The following MINDY3 variants were observed in gnomAD, a reference collection of about 807,000 sequenced individuals.
MINDY3 encodes MINDY lysine 48 deubiquitinase 3, also known as ubiquitin carboxyl-terminal hydrolase MINDY-3.
MINDY3 carries 38 observed loss-of-function variants against 69.2 expected under a neutral mutation model. The observed-to-expected ratio is 0.55, with a 90% CI of 0.42 to 0.72. The LOEUF is 0.72. MINDY3 is among the 30% of genes least tolerant of loss of function. The pLI is 0.00. For synonymous variants in MINDY3, 192 were observed against 180.1 expected (o/e 1.07, Z -0.53); for missense variants, 522 against 519.0 (o/e 1.01, Z -0.06).
rs1836303197 is a variant in MINDY3, at chr10:15,778,981, AC to A, written c.*10del. 6.2e-7 allele frequency: 1 copy of A among 1,610,086 alleles called. No individual in the cohort carries two copies. Among genetic ancestry groups the A allele is most frequent in the Non-Finnish European group, 8.5e-7 (1 of 1,177,746 alleles). The stretch of plus-strand genomic sequence containing the variant: ...TGTTATTAAGATCTTCCTTATAAAT[AC>A]TTAGACAAATTAATTTAGTGAAGGA... On this transcript the variant is annotated 3_prime_UTR_variant, in exon 15 of 15. Transcript: ENST00000277632.
Position 15,796,021 on chromosome 10 carries a change from T to C in MINDY3, c.955+79A>G, listed in dbSNP as rs1588528384. The C allele has an allele frequency of 3.8e-6, 4 of 1,043,762 alleles. No homozygotes were observed. The East Asian group carries it at 9.6e-5, about 25-fold the overall frequency. The allele number at this position is 1,043,762 out of a possible 1,614,324, so 64.7% of individuals were successfully genotyped here. A position where few individuals can be genotyped will look rare whatever the true frequency, so the allele number is the denominator to read the frequency against. ...TCATTAAATAATCCAATATATCTTT[T>C]GAATAAAATCAGGTCGCTATCAATG... On this transcript the variant is annotated intron_variant, in intron 11 of 14. Transcript: ENST00000277632.
chr10:15,791,679 C>T, intron 11 of MINDY3, among the ~76,000 whole-genome samples: 1 of 151,986 alleles, frequency 6.6e-6, no homozygotes. Context: ...AGTTGAATAT[C>T]CAGATTGCTA....
intron 3 of MINDY3, 140 bp downstream of exon 3, chr10:15,843,072 T>C: frequency 2.9e-6 from 2 of 688,274 alleles, no homozygotes; most frequent in Non-Finnish European, 2.5e-6. Context: ...GAGTCACTGT[T>C]CATGAAACTT....
rs769643453 is a variant in MINDY3 at position 15,833,621 on chromosome 10, T to G, written c.730+9A>C. ...TCAAAGAGAGCAACATAACAAGGAA[T>G]ATACTTACTCATTCCTGAGCACTCT... On this transcript the variant is annotated intron_variant, in intron 8 of 14. Coordinates refer to ENST00000277632, the MANE Select transcript of MINDY3 (RefSeq NM_024948.4). 6.5e-7 allele frequency: 1 copy of G among 1,531,904 alleles called. No homozygotes were observed. Among genetic ancestry groups the G allele is most frequent in the Non-Finnish European group, 9.0e-7 (1 of 1,106,538 alleles). The allele number at this position is 1,531,904 out of a possible 1,614,324, so 94.9% of individuals were successfully genotyped here.
At chr10:15,800,308 G>C (rs111714696) in intron 10 of MINDY3, among the ~76,000 whole-genome samples, 9 of 152,116 alleles carry the variant, frequency 5.9e-5, no homozygotes, top group African/African-American at 1.9e-4. Context: ...ACTGTACCTG[G>C]CACCACTCAC....
chr10:15,802,098 T>C (rs566644178), intron 10 of MINDY3, among the ~76,000 whole-genome samples: 6 of 151,862 alleles, frequency 4.0e-5, no homozygotes, highest in Admixed American at 1.3e-4. Context: ...AATCTACTGT[T>C]GGTTACGGTA....
intron 1 of MINDY3, among the ~76,000 whole-genome samples, chr10:15,858,331 G>A (rs1482815171): frequency 6.6e-6 from 1 of 152,082 alleles, no homozygotes; most frequent in Non-Finnish European, 1.5e-5. Context: ...GATTAAAGGT[G>A]GCAGAGCGTT....
chr10:15,788,939 T>C, intron 12 of MINDY3: 1 of 219,592 alleles, frequency 4.6e-6, no homozygotes, highest in East Asian at 9.9e-5. Flanking sequence ...AAGATACTAA[T>C]GTCACATAAA....
At position 15,860,215 on chromosome 10, in the gene MINDY3, A is replaced by G; in HGVS notation, c.85T>C (p.Trp29Arg). The change falls in exon 1 of 15, where the codon TGG (tryptophan) becomes CGG (arginine). Residue 29 changes from tryptophan (W) to arginine (R), a missense_variant. Physicochemically the swap from Trp to Arg is moderately radical, Grantham distance 101 (BLOSUM62 -3). Transcript: ENST00000277632. The stretch of plus-strand genomic sequence containing the variant: ...AGCCCCGCCAGGGTACCTTGCGTCC[A>G]GCGGCAGAAAATGGTGTCCGAGAGA... The part of the protein sequence containing the change: ...PGLSDTIFCR[W>R]TQGFVFSESE... 6.2e-7 allele frequency: 1 copy of G among 1,608,086 alleles called. No homozygotes were observed. Among genetic ancestry groups the G allele is most frequent in the African/African-American group, 1.3e-5 (1 of 75,026 alleles).
At chr10:15,830,283 TGGC>T (rs1840366730) in intron 8 of MINDY3, among the ~76,000 whole-genome samples, 2 of 152,202 alleles carry the variant, frequency 1.3e-5, no homozygotes, top group Non-Finnish European at 2.9e-5. Context: ...TATGCAGCAG[TGGC>T]AAACATGTAT....
intron 11 of MINDY3, among the ~76,000 whole-genome samples, chr10:15,792,303 G>A (rs1588519502): frequency 6.6e-6 from 1 of 152,094 alleles, no homozygotes; most frequent in East Asian, 1.9e-4. Context: ...GATCCCCAGG[G>A]CCTAGCACAG....
chr10:15,812,305 T>C (rs193168336), intron 10 of MINDY3, among the ~76,000 whole-genome samples: 2 of 152,330 alleles, frequency 1.3e-5, no homozygotes, highest in African/African-American at 4.8e-5. Context: ...TAATTATCCC[T>C]TCTCAATTAT....
chr10:15,860,117 G>A (rs2132170968), intron 1 of MINDY3, 89 bp downstream of exon 1: 1 of 971,596 alleles, frequency 1.0e-6, no homozygotes, highest in Non-Finnish European at 1.6e-6. Flanking sequence ...AGCGGGGCAC[G>A]CGAGGGGCTG....
intron 1 of MINDY3, among the ~76,000 whole-genome samples, chr10:15,849,815 AG>A (rs1834147697): frequency 6.6e-6 from 1 of 152,202 alleles, no homozygotes; most frequent in Admixed American, 6.5e-5. Flanking sequence ...CAAAACCTTA[AG>A]ATTCCACCAA....
intron 1 of MINDY3, among the ~76,000 whole-genome samples, chr10:15,854,655 G>C (rs991249200): frequency 6.6e-5 from 10 of 152,016 alleles, no homozygotes; most frequent in African/African-American, 2.2e-4. Flanking sequence ...CAGAATTGAG[G>C]AAAGTGTTAA....
At chr10:15,780,032 A>AACAGATACAGACGACG (rs1487458334) in intron 14 of MINDY3, among the ~76,000 whole-genome samples, 3 of 152,230 alleles carry the variant, frequency 2.0e-5, no homozygotes, top group African/African-American at 7.2e-5. Flanking sequence ...ATTTAAAAGA[A>AACAGATACAGACGACG]ACAGATACAG....
chr10:15,839,039 T>C (rs775483564), intron 4 of MINDY3, among the ~76,000 whole-genome samples: 38 of 151,686 alleles, frequency 2.5e-4, no homozygotes, highest in Non-Finnish European at 5.2e-4. Flanking sequence ...GAGATGAGAC[T>C]TGAGCACAGA....
At chr10:15,843,338 T>G in intron 2 of MINDY3, 66 bp from the exon 3 acceptor site, 1 of 1,318,202 alleles carries the variant, frequency 7.6e-7, no homozygotes, top group Non-Finnish European at 1.1e-6. Flanking sequence ...ATTCTTCAAT[T>G]TTAAAGTGGG....
At chr10:15,783,722 C>A (rs1836732820) in intron 13 of MINDY3, among the ~76,000 whole-genome samples, 1 of 152,124 alleles carries the variant, frequency 6.6e-6, no homozygotes, top group Non-Finnish European at 1.5e-5. Flanking sequence ...TGTTTTGTAT[C>A]CCACTCAAAA....
Sources: allele counts gnomAD v4.1 joint callset (sites outside exome capture counted in the v4.1 genomes callset), GRCh38; gene constraint gnomAD v4.1.1; transcripts MANE v1.5; gene names NCBI Gene and HGNC (gene_info 2026-07-23, HGNC 2026-07-21).